CIITA: variants seen among roughly 807,000 people sequenced by gnomAD.
The protein encoded by CIITA is MHC class II transactivator.
A neutral mutation model predicts 115.1 loss-of-function variants in CIITA; 72 were observed. That is an observed-to-expected ratio of 0.63 (90% CI 0.52 to 0.76). The LOEUF is 0.76. CIITA is among the 30% of genes least tolerant of loss of function. The pLI is 0.00. For missense variants in CIITA, 1,617 were observed against 1,463.8 expected (o/e 1.10, Z -1.71); for synonymous variants, 763 against 635.6 (o/e 1.20, Z -3.02).
Position 10,877,216 on chromosome 16 carries a change from T to G in CIITA, c.-115T>G, listed in dbSNP as rs189636033. On this transcript the variant is annotated 5_prime_UTR_variant, in exon 1 of 20. Transcript: ENST00000324288. ...GGTGACTGGTTAGTGATGAGGCTAGTGATGAGGCTGTGTGCTTCTGAGCTG... is the reference window on the plus strand; with the variant it reads ...GGTGACTGGTTAGTGATGAGGCTAGGGATGAGGCTGTGTGCTTCTGAGCTG... The G allele has an allele frequency of 4.7e-4, 404 of 860,314 alleles. 1 individual carries two copies. In the East Asian group the frequency reaches 8.8e-3, roughly 19 times the overall value. 53.3% of individuals were successfully genotyped at this position (860,314 alleles called of 1,614,324 possible).
At chr16:10,902,300 G>GT in intron 7 of CIITA, 116 bp downstream of exon 7, 1 of 1,421,198 alleles carries the variant, frequency 7.0e-7, no homozygotes, top group Non-Finnish European at 9.6e-7. Flanking sequence ...AACCCTATCA[G>GT]TGTCACTCAC....
chr16:10,896,595 T>C (rs912588684), intron 3 of CIITA, among the ~76,000 whole-genome samples: 9 of 152,136 alleles, frequency 5.9e-5, no homozygotes, highest in South Asian at 2.1e-4. Flanking sequence ...TATGTTGAAA[T>C]AGAAAAAAGT....
chr16:10,895,184 C>T lies in CIITA; in HGVS notation c.53-98C>T, dbSNP rs73499500. On this transcript the variant is annotated intron_variant, in intron 1 of 19. Transcript: ENST00000324288. The stretch of plus-strand genomic sequence containing the variant: ...AATGAGCGCTTTTATTCACTCCTCT[C>T]ATCCCCAGCCCTCACCAGCTGGGAG... 1,598 of 1,431,196 alleles carry T rather than the reference C, an allele frequency of 1.1e-3. 15 individuals are homozygous for T. The African/African-American group carries it at 0.018, about 16-fold the overall frequency. The allele number at this position is 1,431,196 out of a possible 1,614,324, so 88.7% of individuals were successfully genotyped here. A position where few individuals can be genotyped will look rare whatever the true frequency, so the allele number is the denominator to read the frequency against.
Position 10,941,609 on chromosome 16 carries a change from T to C in CIITA, n.735T>C, listed in dbSNP as rs563977726. On this transcript the variant is annotated non_coding_transcript_exon_variant, in exon 2 of 2. Transcript: ENST00000573379. The surrounding 1 kb of genome is among the most constrained non-coding windows in gnomAD (Gnocchi z 6.4). ...GGGAGGGTCTCCTCCTGGGGAACCA[T>C]CCCCGTCCAGATGGTGCCCCCAACC... 2.5e-4 allele frequency: 379 copies of C among 1,501,412 alleles called. 1 individual carries two copies. In the East Asian group the frequency reaches 8.6e-3, roughly 34 times the overall value. 93.0% of individuals were successfully genotyped at this position (1,501,412 alleles called of 1,614,324 possible).
At chr16:10,883,108 A>G (rs1034738316) in intron 1 of CIITA, among the ~76,000 whole-genome samples, 26 of 152,132 alleles carry the variant, frequency 1.7e-4, no homozygotes, top group African/African-American at 6.0e-4. Context: ...AGCACCCAGC[A>G]GAGTGCTGGC....
At chr16:10,895,556 G>T (rs1238651601) in intron 2 of CIITA, 113 bp from the exon 3 acceptor site, 24 of 1,556,854 alleles carry the variant, frequency 1.5e-5, no homozygotes, top group Non-Finnish European at 2.0e-5. Context: ...ACGTCTGTGG[G>T]ACGCTCTCTG....
rs755249590 is a variant in CIITA at position 10,907,831 on chromosome 16, C to T, written c.2339C>T (p.Ala780Val). 45 of 1,613,582 alleles carry T rather than the reference C, an allele frequency of 2.8e-5. 1 individual carries two copies. In the South Asian group the frequency reaches 4.9e-4, roughly 18 times the overall value. ...LGALLGPSAA[A>V]SVDRKQKVLA... ...GCCCTACTCGGGCCATCGGCGGCTG[C>T]CTCGGTGGACAGGAAGCAGAAGGTG... Residue 780 changes from alanine (A) to valine (V), a missense_variant, in exon 11 of 20, where the codon GCC becomes GTC. By Grantham distance (64) the Ala-to-Val change is moderately conservative (BLOSUM62 0). Transcript: ENST00000324288. This position sits in a 1 kb window ranked among gnomAD's most constrained non-coding sequence, Gnocchi z 5.0.
chr16:10,902,403 C>T (rs1232059353), intron 7 of CIITA, among the ~76,000 whole-genome samples: 1 of 152,178 alleles, frequency 6.6e-6, no homozygotes, highest in East Asian at 1.9e-4. Flanking sequence ...GTGCGAGCAT[C>T]AGGAGGGAAT....
intron 1 of CIITA, among the ~76,000 whole-genome samples, chr16:10,869,692 AT>A (rs1187547263): frequency 5.3e-5 from 8 of 151,798 alleles, no homozygotes; most frequent in Non-Finnish European, 1.5e-5. Flanking sequence ...TAATTTTTGT[AT>A]TTTTAGAGAC....
In CIITA at chr16:10,922,179, C is replaced by G; in HGVS notation, c.3162C>G (p.Asn1054Lys). Residue 1054 changes from asparagine to lysine, a missense_variant, in exon 17 of 20, where the codon AAC becomes AAG. Physicochemically the swap from Asn to Lys is moderately conservative, Grantham distance 94. Coordinates refer to ENST00000324288, the MANE Select transcript of CIITA (RefSeq NM_000246.4). ...CTGTTTCCGACAGCTTGTACAATAACTGCATCTGCGACGTGGGAGCCGAGA... is the reference window on the plus strand; with the variant it reads ...CTGTTTCCGACAGCTTGTACAATAAGTGCATCTGCGACGTGGGAGCCGAGA... ...ASLLRLSLYN[N>K]CICDVGAESL... is the part of the protein sequence containing the mutation. 6.2e-7 allele frequency: 1 copy of G among 1,614,242 alleles called. No homozygotes were observed.
intron 1 of CIITA, among the ~76,000 whole-genome samples, chr16:10,890,977 C>G (rs983125248): frequency 6.6e-6 from 1 of 152,144 alleles, no homozygotes; most frequent in African/African-American, 2.4e-5. Context: ...GGGGTAGTCT[C>G]AAAGTTGGTA....
At chr16:10,870,351 G>A (rs930671300) in intron 1 of CIITA, among the ~76,000 whole-genome samples, 2 of 152,170 alleles carry the variant, frequency 1.3e-5, no homozygotes, top group African/African-American at 4.8e-5. Flanking sequence ...AGAAAGCCCA[G>A]TTCTGGAGAT....
In CIITA at chr16:10,901,146, A is replaced by G. The variant is rs1461394873; in HGVS notation, c.437-368A>G. On this transcript the variant is annotated intron_variant, in intron 5 of 19. Coordinates refer to ENST00000324288, the MANE Select transcript of CIITA (RefSeq NM_000246.4). This position sits in a 1 kb window ranked among gnomAD's most constrained non-coding sequence, Gnocchi z 6.8. ...ATACTCCTGCAATGTAGGAACCACCACCCCCATTTCATAGATGTGAGATCA... is the reference window on the plus strand; with the variant it reads ...ATACTCCTGCAATGTAGGAACCACCGCCCCCATTTCATAGATGTGAGATCA... Among the ~76,000 whole-genome samples the G allele has an allele frequency of 1.3e-5, 2 of 152,050 alleles. No individual in the cohort carries two copies. Among genetic ancestry groups the G allele is most frequent in the African/African-American group, 4.8e-5 (2 of 41,390 alleles).
intron 13 of CIITA, among the ~76,000 whole-genome samples, chr16:10,910,939 T>C (rs1567430163): frequency 1.3e-5 from 2 of 152,030 alleles, no homozygotes; most frequent in African/African-American, 2.4e-5. Context: ...ACTATCCTGG[T>C]TTGAAAACTG....
Position 10,906,718 on chromosome 16 carries a change from G to A in CIITA, c.1226G>A (p.Arg409Gln), listed in dbSNP as rs745358587. 39 of 1,611,326 alleles carry A rather than the reference G, an allele frequency of 2.4e-5. 2 individuals carry two copies. Among genetic ancestry groups the A allele is most frequent in the African/African-American group, 5.3e-5 (4 of 74,940 alleles). Residue 409 changes from arginine to glutamine, a missense_variant, in exon 11 of 20, where the codon CGG (arginine) becomes CAG (glutamine). Physicochemically the swap from Arg to Gln is conservative, Grantham distance 43 (BLOSUM62 1). Coordinates refer to ENST00000324288, the MANE Select transcript of CIITA (RefSeq NM_000246.4). ...CTGTTGGCTGCCAAGGAGCACCGGC[G>A]GCCGCGTGAGACACGAGTGATTGCT... ...EVLLAAKEHR[R>Q]PRETRVIAVL...
chr16:10,867,243 C>CA (rs34055460), intron 1 of CIITA, among the ~76,000 whole-genome samples: 3,305 of 138,046 alleles, frequency 0.024, 119 homozygotes, highest in African/African-American at 0.083. Context: ...GACTCCATCT[C>CA]AAAAAAAAAA....
chr16:10,917,787 A>T (rs1420988340), intron 15 of CIITA, among the ~76,000 whole-genome samples: 1 of 152,086 alleles, frequency 6.6e-6, no homozygotes. Context: ...GTTCAACATG[A>T]TTTTTTACTG....
chr16:10,878,532 A>G (rs1351658650), intron 1 of CIITA, among the ~76,000 whole-genome samples: 2 of 152,176 alleles, frequency 1.3e-5, no homozygotes, highest in African/African-American at 4.8e-5. Context: ...CTTCCTCCCT[A>G]GGGCCAGCAT....
rs1355497941 is a variant in CIITA, at chr16:10,898,675, C to A, written c.301C>A (p.Leu101Met). The change falls in exon 4 of 20, where the codon CTG becomes ATG. Residue 101 changes from leucine to methionine, a missense_variant. By Grantham distance (15) the Leu-to-Met change is conservative (BLOSUM62 2). Coordinates refer to ENST00000324288, the MANE Select transcript of CIITA (RefSeq NM_000246.4). ...GCTTTTCCTTGTCTGGGCAGCGGAACTGGACCAGTATGTCTTCCAGGACTC... is the reference window on the plus strand; with the variant it reads ...GCTTTTCCTTGTCTGGGCAGCGGAAATGGACCAGTATGTCTTCCAGGACTC... ...TREAYANIAE[L>M]DQYVFQDSQL... 7 of 1,610,294 alleles carry A rather than the reference C, an allele frequency of 4.3e-6. No homozygotes were observed. The highest frequency in any genetic ancestry group is 5.9e-6 in the Non-Finnish European group (7 of 1,178,536).
Sources: gnomAD v4.1 joint callset for allele counts (sites outside exome capture counted in the v4.1 genomes callset) on GRCh38, gnomAD v4.1.1 for gene constraint, Gnocchi (gnomAD v3.1) non-coding constraint, MANE v1.5 for transcripts, NCBI Gene and HGNC (gene_info 2026-07-23, HGNC 2026-07-21) for gene names.